The following COL18A1 variants were observed in gnomAD, a reference collection of about 807,000 sequenced individuals.
The protein encoded by COL18A1 is collagen alpha-1(XVIII) chain.
Under a neutral mutation model 168.0 loss-of-function variants are expected in COL18A1, and 133 were observed. The observed-to-expected ratio is 0.79, with a 90% confidence interval of 0.69 to 0.91. COL18A1 has a LOEUF of 0.91. Among genes scored for constraint, COL18A1 ranks in the 40% least tolerant of loss-of-function variants. The pLI, the probability that COL18A1 is intolerant of heterozygous loss-of-function variation, is 0.00. For synonymous variants in COL18A1, 949 were observed against 809.0 expected, an observed-to-expected ratio of 1.17 and a Z score of -2.94; for missense variants, 2,126 against 1,925.4, an observed-to-expected ratio of 1.10 and a Z score of -1.95.
In COL18A1 at chr21:45,477,944, C is replaced by A. The variant is rs779596548; in HGVS notation, c.1200C>A (p.Thr400=). ...CAGGGCCTCCGGGGAGGGACGGCAC[C>A]CCTGGAAGGGACGGCGAGCCGGTGA... ...GPPGPPGRDG[T]PGRDGEPGDP... The change falls in exon 8 of 42, where the codon ACC becomes ACA. Residue 400 remains threonine (T), a synonymous_variant. Transcript: ENST00000651438. 14 of 1,548,704 alleles carry A rather than the reference C, an allele frequency of 9.0e-6. No homozygotes were observed. The Admixed American group carries it at 2.4e-4, about 27-fold the overall frequency.
At chr21:45,494,594 C>T (rs1466053814) in intron 27 of COL18A1, 23 bp downstream of exon 27, 2 of 1,612,862 alleles carry the variant, frequency 1.2e-6, no homozygotes, top group South Asian at 2.2e-5. Flanking sequence ...CTGGCTTTCT[C>T]TGCACTGAGC....
intron 2 of COL18A1, among the ~76,000 whole-genome samples, chr21:45,459,556 G>A (rs1265180223): frequency 6.6e-6 from 1 of 152,226 alleles, no homozygotes; most frequent in African/African-American, 2.4e-5. Flanking sequence ...GGCCCACCTC[G>A]AGGAGAGTGT....
At chr21:45,416,519 G>A (rs1457450857) in intron 2 of COL18A1, among the ~76,000 whole-genome samples, 1 of 152,192 alleles carries the variant, frequency 6.6e-6, no homozygotes, top group Non-Finnish European at 1.5e-5. Context: ...TGAGGACAGT[G>A]TGCTCTCCTG....
At chr21:45,410,703 G>A (rs2033264795) in intron 2 of COL18A1, among the ~76,000 whole-genome samples, 1 of 152,246 alleles carries the variant, frequency 6.6e-6, no homozygotes, top group Non-Finnish European at 1.5e-5. Flanking sequence ...AGTTTCAGCA[G>A]CTCGGACTCC....
chr21:45,493,734 C>T lies in COL18A1; in HGVS notation c.2352+159C>T, dbSNP rs532913746. 19 of 631,382 alleles carry T rather than the reference C, an allele frequency of 3.0e-5. 1 individual carries two copies. The highest frequency in any genetic ancestry group is 9.2e-5 in the African/African-American group (5 of 54,576). The allele number at this position is 631,382 out of a possible 1,614,324, so 39.1% of individuals were successfully genotyped here. A position where few individuals can be genotyped will look rare whatever the true frequency, so the allele number is the denominator to read the frequency against. ...CTGGCCCTGGTGGCCCCTCCTTTCT[C>T]GCACCCATGTCGGCGGTTCCGCCGG... On this transcript the variant is annotated intron_variant, in intron 26 of 41. Coordinates refer to ENST00000651438, the MANE Select transcript of COL18A1 (RefSeq NM_001379500.1).
At chr21:45,435,622 C>T (rs978178523) in intron 2 of COL18A1, among the ~76,000 whole-genome samples, 1 of 152,038 alleles carries the variant, frequency 6.6e-6, no homozygotes. Flanking sequence ...CAGAGGTTGG[C>T]TGGGGCAGAG....
At chr21:45,476,619 A>G (rs748431317) in intron 6 of COL18A1, 139 bp downstream of exon 6, 1 of 1,095,692 alleles carries the variant, frequency 9.1e-7, no homozygotes, top group Non-Finnish European at 1.3e-6. Flanking sequence ...TGTGTGTGAT[A>G]TGGCACGTGT....
At chr21:45,435,577 G>C (rs1046106720) in intron 2 of COL18A1, among the ~76,000 whole-genome samples, 1 of 152,084 alleles carries the variant, frequency 6.6e-6, no homozygotes, top group South Asian at 2.1e-4. Context: ...TGGGAGGCAC[G>C]GGCAGGGCCA....
chr21:45,439,963 T>A (rs112970560), intron 2 of COL18A1, among the ~76,000 whole-genome samples: 42 of 152,356 alleles, frequency 2.8e-4, no homozygotes, highest in African/African-American at 1.0e-3. Context: ...AATCTCGGGC[T>A]GCGCGCTGGT....
chr21:45,476,365 A>G lies in COL18A1; in HGVS notation c.813A>G (p.Lys271=). 1 of 1,613,938 alleles carries G rather than the reference A, an allele frequency of 6.2e-7. No individual in the cohort carries two copies. The highest frequency in any genetic ancestry group is 8.5e-7 in the Non-Finnish European group (1 of 1,179,962). Residue 271 remains lysine, a synonymous_variant, in exon 6 of 42, where the codon AAA becomes AAG. Transcript: ENST00000651438. ...LLREETGAAL[K]PRLPAPPPVT... is the part of the protein sequence containing the mutation. ...TCGTCCTCCAGGGCGCGGCCCTAAA[A>G]CCCAGGCTCCCCGCGCCACCCCCCG...
At chr21:45,492,478 C>T (rs2036385623) in intron 22 of COL18A1, 57 bp from the exon 23 acceptor site, 2 of 1,601,612 alleles carry the variant, frequency 1.2e-6, no homozygotes, top group East Asian at 2.2e-5. Context: ...CGCTCGAGTC[C>T]AGTTGAATTT....
intron 15 of COL18A1, 112 bp from the exon 16 acceptor site, chr21:45,486,749 C>T: frequency 8.2e-7 from 1 of 1,219,956 alleles, no homozygotes; most frequent in Non-Finnish European, 1.1e-6. Flanking sequence ...ATGTTCCTTA[C>T]CTTTTGATTT....
At position 45,493,021 on chromosome 21, in the gene COL18A1, T is replaced by C. The variant is rs2297288; in HGVS notation, c.2215-142T>C. ...CTGCGGAGGCCTGCAGTGTCCAGAG[T>C]GAGGCTGGGGCCGCGAGGGGCCCTG... is the stretch of plus-strand genomic sequence containing the variant. On this transcript the variant is annotated intron_variant, in intron 24 of 41. Coordinates refer to ENST00000651438, the MANE Select transcript of COL18A1 (RefSeq NM_001379500.1). The C allele has an allele frequency of 0.26, 223,848 of 859,988 alleles. 32,939 individuals carry two copies. The highest frequency in any genetic ancestry group is 0.55 in the African/African-American group (32,619 of 59,646). The allele number at this position is 859,988 out of a possible 1,614,324, so 53.3% of individuals were successfully genotyped here.
At chr21:45,505,567 G>A in intron 36 of COL18A1, 136 bp downstream of exon 36, 2 of 690,556 alleles carry the variant, frequency 2.9e-6, no homozygotes, top group South Asian at 3.2e-5. Flanking sequence ...TTCCAGGGTG[G>A]AAGCGGGGCC....
At chr21:45,456,886 C>T in intron 2 of COL18A1, 1 of 1,433,982 alleles carries the variant, frequency 7.0e-7, no homozygotes, top group Non-Finnish European at 9.2e-7. Context: ...CTGCAGGTAA[C>T]TGGCCGGCCC....
chr21:45,499,980 A>G (rs1176619725), intron 32 of COL18A1, among the ~76,000 whole-genome samples: 1 of 152,202 alleles, frequency 6.6e-6, no homozygotes, highest in African/African-American at 2.4e-5. Flanking sequence ...GACATTGTCA[A>G]TGGGATATGG....
At chr21:45,500,190 T>G (rs1215498137) in intron 32 of COL18A1, among the ~76,000 whole-genome samples, 1 of 55,344 alleles carries the variant, frequency 1.8e-5, no homozygotes, top group Non-Finnish European at 3.6e-5. Flanking sequence ...AGTGTGGGTG[T>G]GTGTGGAGTG....
chr21:45,484,646 C>A (rs2036044913), intron 15 of COL18A1, among the ~76,000 whole-genome samples: 1 of 150,876 alleles, frequency 6.6e-6, no homozygotes, highest in Admixed American at 6.6e-5. Flanking sequence ...TGTGCACACG[C>A]ATCTCTTATG....
At chr21:45,414,752 A>T (rs1291861120) in intron 2 of COL18A1, among the ~76,000 whole-genome samples, 1 of 152,148 alleles carries the variant, frequency 6.6e-6, no homozygotes, top group Non-Finnish European at 1.5e-5. Context: ...ACCCTCATTT[A>T]TGCTTCCACT....
Sources: allele counts gnomAD v4.1 joint callset (sites outside exome capture counted in the v4.1 genomes callset), GRCh38; gene constraint gnomAD v4.1.1; transcripts MANE v1.5; gene names NCBI Gene and HGNC (gene_info 2026-07-23, HGNC 2026-07-21).